TOP1MT: variants seen among roughly 807,000 people sequenced by gnomAD.
TOP1MT encodes the protein DNA topoisomerase I mitochondrial.
In TOP1MT, 80 loss-of-function variants were observed where a neutral mutation model predicts 73.9. The observed-to-expected ratio is 1.08, with a 90% CI of 0.90 to 1.30. The LOEUF is 1.30. Ranked by LOEUF, TOP1MT falls within the 50% of genes most tolerant of loss-of-function variation. The probability of loss-of-function intolerance (pLI) is 0.00; values close to 1 mark genes in which losing one functional copy is unlikely to be tolerated. For missense variants in TOP1MT, 815 were observed against 808.0 expected (o/e 1.01, Z -0.10); for synonymous variants, 338 against 326.4 (o/e 1.04, Z -0.38).
At chr8:143,334,557 G>C (rs1377454602) in intron 1 of TOP1MT, among the ~76,000 whole-genome samples, 183 bp downstream of exon 1, 1 of 152,224 alleles carries the variant, frequency 6.6e-6, no homozygotes, top group Non-Finnish European at 1.5e-5. Context: ...GTCATGGGGG[G>C]GCCTGTACAC....
intron 2 of TOP1MT, among the ~76,000 whole-genome samples, chr8:143,342,156 A>T (rs1359389071): frequency 7.9e-6 from 1 of 126,504 alleles, no homozygotes; most frequent in Non-Finnish European, 1.6e-5. Flanking sequence ...ATTATTAGAG[A>T]CAGAGTCTCG....
chr8:143,321,488 C>T (rs62524732), intron 7 of TOP1MT, 102 bp from the exon 8 acceptor site: 1 of 472,002 alleles, frequency 2.1e-6, no homozygotes, highest in East Asian at 1.9e-4. Flanking sequence ...CACACGCACG[C>T]CACACACGCA....
chr8:143,332,353 G>A, intron 1 of TOP1MT: 1 of 618,958 alleles, frequency 1.6e-6, no homozygotes, highest in Non-Finnish European at 2.6e-6. Context: ...AGGATGGCCA[G>A]TGCAAAGGCC....
intron 5 of TOP1MT, among the ~76,000 whole-genome samples, chr8:143,325,050 C>T (rs1322933222): frequency 6.6e-6 from 1 of 152,262 alleles, no homozygotes; most frequent in Non-Finnish European, 1.5e-5. Flanking sequence ...AAGTTCAAAA[C>T]ACCTAATGCT....
chr8:143,354,680 C>A (rs1002066480), intron 1 of TOP1MT, among the ~76,000 whole-genome samples: 4 of 151,844 alleles, frequency 2.6e-5, no homozygotes, highest in African/African-American at 9.7e-5. Flanking sequence ...CCATTGCACT[C>A]CAGCCTGGGC....
chr8:143,319,865 C>A (rs1816281307), intron 8 of TOP1MT, among the ~76,000 whole-genome samples: 1 of 151,418 alleles, frequency 6.6e-6, no homozygotes, highest in African/African-American at 2.4e-5. Context: ...GTGGCTCATG[C>A]CTGTAATGCC....
chr8:143,331,599 G>C (rs1428897087), intron 1 of TOP1MT: 1 of 375,474 alleles, frequency 2.7e-6, no homozygotes, highest in African/African-American at 2.0e-5. Flanking sequence ...CCAGCTAAGC[G>C]GGAAAGGGCA....
chr8:143,332,320 C>T (rs1028638952), intron 1 of TOP1MT, among the ~76,000 whole-genome samples: 3 of 152,152 alleles, frequency 2.0e-5, no homozygotes, highest in Non-Finnish European at 2.9e-5. Flanking sequence ...AGCAGGGCTG[C>T]GGGAAGAGCA....
intron 8 of TOP1MT, 139 bp downstream of exon 8, chr8:143,321,062 G>A: frequency 3.5e-6 from 3 of 856,324 alleles, no homozygotes; most frequent in Non-Finnish European, 5.3e-6. Flanking sequence ...ACCCCGATCA[G>A]CCCCGGCACA....
upstream of TOP1MT, chr8:143,345,096 C>T (rs1054146248): frequency 1.3e-5 from 2 of 152,404 alleles, no homozygotes; most frequent in African/African-American, 4.8e-5. Flanking sequence ...ATGACACAAT[C>T]CTGGCTCCAC....
At chr8:143,338,875 C>G (rs963858318), upstream of TOP1MT, among the ~76,000 whole-genome samples, 4 of 152,210 alleles carry the variant, frequency 2.6e-5, no homozygotes, top group African/African-American at 7.2e-5. Context: ...TTGGCGGCCT[C>G]CTCCCCTTGT....
At chr8:143,331,132 G>C (rs929408748) in intron 2 of TOP1MT, 92 bp downstream of exon 2, 1 of 978,818 alleles carries the variant, frequency 1.0e-6, no homozygotes, top group Middle Eastern at 2.9e-4. Context: ...AAGCCTGCAG[G>C]GGGGCTGAGG....
At chr8:143,349,642 T>TC (rs1251399436), upstream of TOP1MT, among the ~76,000 whole-genome samples, 2 of 123,804 alleles carry the variant, frequency 1.6e-5, no homozygotes, top group African/African-American at 5.5e-5. Flanking sequence ...TCTGTACACT[T>TC]TTTTTTTTTT....
chr8:143,329,143 T>C (rs1816783362), intron 3 of TOP1MT, among the ~76,000 whole-genome samples: 2 of 151,966 alleles, frequency 1.3e-5, no homozygotes, highest in African/African-American at 2.4e-5. Context: ...TGGCACCGCC[T>C]ATGGTCCCAG....
At position 143,318,149 on chromosome 8, in the gene TOP1MT, G is replaced by A. The variant is rs561664061; in HGVS notation, c.1147-63C>T. ...ACCCGAATCCAGTGAGGACCTGAAG[G>A]GCGTCTACGCAGAGCCTGGGAGCCC... On this transcript the variant is annotated intron_variant, in intron 8 of 13. Coordinates refer to ENST00000329245, the MANE Select transcript of TOP1MT (RefSeq NM_052963.3). 7.9e-6 allele frequency: 12 copies of A among 1,524,376 alleles called. No homozygotes were observed. In the Admixed American group the frequency reaches 8.4e-5, roughly 11 times the overall value. The allele number at this position is 1,524,376 out of a possible 1,614,324, so 94.4% of individuals were successfully genotyped here.
At chr8:143,316,205 G>A (rs1016386454) in intron 10 of TOP1MT, 79 bp from the exon 11 acceptor site, 65 of 1,598,422 alleles carry the variant, frequency 4.1e-5, no homozygotes, top group African/African-American at 1.9e-4. Flanking sequence ...GCCTTAACGC[G>A]CCACACAGCG....
At chr8:143,316,632 G>A (rs989859606) in intron 10 of TOP1MT, among the ~76,000 whole-genome samples, 1 of 148,818 alleles carries the variant, frequency 6.7e-6, no homozygotes. Context: ...GAGTCTGTGG[G>A]TCCCTGCCTG....
intron 7 of TOP1MT, among the ~76,000 whole-genome samples, chr8:143,321,679 GCACGC>G (rs1816386431): frequency 1.3e-5 from 1 of 74,992 alleles, no homozygotes; most frequent in Non-Finnish European, 2.5e-5. Flanking sequence ...CGCCACACAC[GCACGC>G]CACGCACGCA....
At chr8:143,359,487 G>T, upstream of TOP1MT, 1 of 949,982 alleles carries the variant, frequency 1.1e-6, no homozygotes, top group Non-Finnish European at 1.3e-6. Flanking sequence ...GGCACCGCTG[G>T]CCAGGTGCAG....
Sources: allele counts gnomAD v4.1 joint callset (sites outside exome capture counted in the v4.1 genomes callset), GRCh38; gene constraint gnomAD v4.1.1; transcripts MANE v1.5; gene names NCBI Gene and HGNC (gene_info 2026-07-23, HGNC 2026-07-21).